Variants in NBEAL1 observed in about 807,000 individuals in gnomAD.
NBEAL1 encodes neurobeachin-like protein 1.
In NBEAL1, 273 loss-of-function variants were observed where a neutral mutation model predicts 351.3. The ratio of observed to expected loss-of-function variants is 0.78; its 90% CI spans 0.70 to 0.86. The LOEUF is 0.86. Among genes scored for constraint, NBEAL1 ranks in the 40% least tolerant of loss-of-function variants. The pLI is 0.00. For missense variants in NBEAL1, 2,961 were observed against 3,201.3 expected (o/e 0.92, Z 1.81); for synonymous variants, 1,050 against 1,086.4 (o/e 0.97, Z 0.66).
At chr2:203,069,848 CAA>C (rs1459395815) in intron 7 of NBEAL1, among the ~76,000 whole-genome samples, 5 of 152,044 alleles carry the variant, frequency 3.3e-5, no homozygotes, top group African/African-American at 1.2e-4. Context: ...TTTATGGAGA[CAA>C]AGTCTCACTA....
At chr2:203,134,478 C>G (rs1187243890) in intron 27 of NBEAL1, among the ~76,000 whole-genome samples, 1 of 152,090 alleles carries the variant, frequency 6.6e-6, no homozygotes, top group Non-Finnish European at 1.5e-5. Context: ...CCTTCTGTAT[C>G]AACATGTATT....
At chr2:203,058,064 G>A (rs537222741) in intron 6 of NBEAL1, among the ~76,000 whole-genome samples, 4 of 152,036 alleles carry the variant, frequency 2.6e-5, no homozygotes, top group African/African-American at 4.8e-5. Flanking sequence ...GGATGGTCTC[G>A]ATCTCCTGAT....
chr2:203,104,493 A>G (rs1055618230), intron 12 of NBEAL1, among the ~76,000 whole-genome samples: 15 of 152,280 alleles, frequency 9.9e-5, no homozygotes, highest in African/African-American at 3.6e-4. Context: ...TTTTTATCCA[A>G]CTTGCCACTC....
chr2:203,210,086 C>T lies in NBEAL1; in HGVS notation c.7785+764C>T, dbSNP rs553613748. Among the ~76,000 whole-genome samples, 12 of 152,038 alleles carry T rather than the reference C, an allele frequency of 7.9e-5. No individual in the cohort carries two copies. In the East Asian group the frequency reaches 1.2e-3, roughly 15 times the overall value. The stretch of plus-strand genomic sequence containing the variant: ...CAATATTAAGAGTTTTGGGGGGCCG[C>T]GAGTGGTGGCTCACTCCTGTAATCC... On this transcript the variant is annotated intron_variant, in intron 53 of 55. Coordinates refer to ENST00000683969, the MANE Select transcript of NBEAL1 (RefSeq NM_001378026.1).
chr2:203,062,192 A>G lies in NBEAL1; in HGVS notation c.515+4739A>G. 2.2e-6 allele frequency: 1 copy of G among 447,022 alleles called. No homozygotes were observed. The highest frequency in any genetic ancestry group is 4.5e-6 in the Non-Finnish European group (1 of 223,826). 27.7% of individuals were successfully genotyped at this position (447,022 alleles called of 1,614,324 possible). A position where few individuals can be genotyped will look rare whatever the true frequency, so the allele number is the denominator to read the frequency against. On this transcript the variant is annotated intron_variant, in intron 6 of 55. Coordinates refer to ENST00000683969, the MANE Select transcript of NBEAL1 (RefSeq NM_001378026.1). The surrounding 1 kb of genome is among the most constrained non-coding windows in gnomAD (Gnocchi z 4.2). ...CCTTGACTATTTTGTTTACCTTCAC[A>G]CAGTCTCTCTACCATATGACTTACA...
chr2:203,190,631 A>G, intron 46 of NBEAL1: 1 of 443,574 alleles, frequency 2.3e-6, no homozygotes, highest in Non-Finnish European at 3.2e-6. Context: ...CTAATAGCTA[A>G]CATCTGCCCA....
chr2:203,091,533 G>C (rs1273249956), intron 10 of NBEAL1, among the ~76,000 whole-genome samples: 1 of 151,904 alleles, frequency 6.6e-6, no homozygotes. Flanking sequence ...AATATTTTTT[G>C]AGGAACTTCT....
intron 48 of NBEAL1, 32 bp from the exon 49 acceptor site, chr2:203,199,306 T>C (rs749484908): frequency 1.6e-6 from 2 of 1,255,472 alleles, no homozygotes. Flanking sequence ...TAATATTTCA[T>C]TTAATTTGAG....
chr2:203,049,546 C>T (rs751086791), intron 3 of NBEAL1, among the ~76,000 whole-genome samples: 3 of 152,164 alleles, frequency 2.0e-5, no homozygotes, highest in Non-Finnish European at 4.4e-5. Context: ...TAGTCTGTCT[C>T]TCTCTTTAGT....
intron 2 of NBEAL1, among the ~76,000 whole-genome samples, chr2:203,019,901 A>G (rs1048929381): frequency 3.3e-5 from 5 of 152,188 alleles, no homozygotes; most frequent in African/African-American, 4.8e-5. Flanking sequence ...AAAATAAATT[A>G]CCAGTTTCAG....
At chr2:203,068,576 A>C in intron 7 of NBEAL1, 101 bp downstream of exon 7, 1 of 605,306 alleles carries the variant, frequency 1.7e-6, no homozygotes, top group Non-Finnish European at 2.8e-6. Context: ...TTGTTAATTT[A>C]TAAAATAATG....
At chr2:203,136,848 A>T in intron 29 of NBEAL1, 74 bp downstream of exon 29, 1 of 1,283,684 alleles carries the variant, frequency 7.8e-7, no homozygotes, top group East Asian at 2.3e-5. Flanking sequence ...TAGTTATTGA[A>T]CATTTATTCA....
chr2:203,203,804 C>T (rs1228756615), intron 51 of NBEAL1, among the ~76,000 whole-genome samples: 1 of 152,018 alleles, frequency 6.6e-6, no homozygotes, highest in Non-Finnish European at 1.5e-5. Context: ...GCTTTGTTTA[C>T]TTCTGAATAG....
At chr2:203,210,914 C>G in intron 53 of NBEAL1, 44 bp from the exon 54 acceptor site, 3 of 1,259,500 alleles carry the variant, frequency 2.4e-6, no homozygotes, top group Non-Finnish European at 3.3e-6. Flanking sequence ...TATAAAAACT[C>G]AGTTTTTATT....
intron 18 of NBEAL1, among the ~76,000 whole-genome samples, chr2:203,116,807 AG>A (rs370789701): frequency 0.016 from 2,342 of 145,906 alleles, 62 homozygotes; most frequent in African/African-American, 0.04. Context: ...AAAAAAAAAA[AG>A]GGGGGGGCCC....
At chr2:203,178,653 A>T (rs1396983507) in intron 42 of NBEAL1, among the ~76,000 whole-genome samples, 1 of 152,254 alleles carries the variant, frequency 6.6e-6, no homozygotes, top group African/African-American at 2.4e-5. Flanking sequence ...AATAAGCCAG[A>T]TACAAAAGGG....
chr2:203,176,888 T>C (rs1037673851), intron 42 of NBEAL1, among the ~76,000 whole-genome samples: 11 of 151,878 alleles, frequency 7.2e-5, no homozygotes, highest in African/African-American at 2.2e-4. Flanking sequence ...TGTTGGCTTA[T>C]GCCTTTAATC....
In NBEAL1 at chr2:203,126,070, A is replaced by C. The variant is rs185737261; in HGVS notation, c.2962A>C (p.Thr988Pro). Reference sequence around the variant, plus strand: ...TCTTATTCACTCCCATGGAGTTGCAACTCTTGGTGCTTTACTTCAGAAGGT... The same window carrying C: ...TCTTATTCACTCCCATGGAGTTGCACCTCTTGGTGCTTTACTTCAGAAGGT... ...GNLIHSHGVA[T>P]LGALLQKVPS... The change falls in exon 21 of 56, where the codon ACT becomes CCT. Residue 988 changes from threonine to proline, a missense_variant. Transcript: ENST00000683969. 6.5e-7 allele frequency: 1 copy of C among 1,543,794 alleles called. No homozygotes were observed. The highest frequency in any genetic ancestry group is 8.7e-7 in the Non-Finnish European group (1 of 1,144,072).
chr2:203,179,295 A>T (rs1177966161), intron 42 of NBEAL1, among the ~76,000 whole-genome samples: 1 of 152,212 alleles, frequency 6.6e-6, no homozygotes, highest in Non-Finnish European at 1.5e-5. Flanking sequence ...CGCAGTGCCC[A>T]TGATTAAATT....
Sources: allele counts gnomAD v4.1 joint callset (sites outside exome capture counted in the v4.1 genomes callset), GRCh38; gene constraint gnomAD v4.1.1; non-coding constraint Gnocchi (gnomAD v3.1); transcripts MANE v1.5; gene names NCBI Gene and HGNC (gene_info 2026-07-23, HGNC 2026-07-21).